The following DHRSX variants were observed in gnomAD, a reference collection of about 807,000 sequenced individuals.
The protein encoded by DHRSX is polyprenol dehydrogenase.
A neutral mutation model predicts 34.0 loss-of-function variants in DHRSX; 31 were observed. The ratio of observed to expected loss-of-function variants is 0.91; its 90% CI spans 0.69 to 1.23. DHRSX has a LOEUF of 1.23. Among genes scored for constraint, DHRSX ranks in the 50% most tolerant of loss-of-function variants. DHRSX has a pLI of 0.00. For missense variants in DHRSX, 414 were observed against 428.1 expected (o/e 0.97, Z 0.29); for synonymous variants, 201 against 183.8 (o/e 1.09, Z -0.76).
At chrX:2,268,078 AG>A (rs1365954171) in intron 4 of DHRSX, among the ~76,000 whole-genome samples, 8 of 152,136 alleles carry the variant, frequency 5.3e-5, no homozygotes, top group African/African-American at 1.9e-4. Flanking sequence ...CCTAGACCAC[AG>A]GGCAGCCCTG....
chrX:2,285,545 G>C (rs2041794309), intron 4 of DHRSX, among the ~76,000 whole-genome samples: 1 of 151,710 alleles, frequency 6.6e-6, no homozygotes, highest in Non-Finnish European at 1.5e-5. Context: ...TGTAAATACA[G>C]ATGAAGCTTT....
intron 3 of DHRSX, among the ~76,000 whole-genome samples, chrX:2,303,900 AATGG>A (rs1244047425): frequency 2.2e-3 from 131 of 60,844 alleles, no homozygotes; most frequent in African/African-American, 6.0e-3. Flanking sequence ...TGGATGGATA[AATGG>A]ATGGATGGAT....
intron 3 of DHRSX, among the ~76,000 whole-genome samples, chrX:2,347,068 G>C (rs1304553143): frequency 2.6e-5 from 4 of 152,044 alleles, no homozygotes; most frequent in Non-Finnish European, 4.4e-5. Context: ...ATTTGATATA[G>C]ATAAGGATGG....
chrX:2,419,614 T>G (rs1422440607), intron 2 of DHRSX, among the ~76,000 whole-genome samples: 1 of 151,940 alleles, frequency 6.6e-6, no homozygotes, highest in Non-Finnish European at 1.5e-5. Context: ...GTGGCACATA[T>G]ACACCACAGA....
chrX:2,313,583 G>A, intron 3 of DHRSX, among the ~76,000 whole-genome samples: 1 of 152,018 alleles, frequency 6.6e-6, no homozygotes, highest in East Asian at 1.9e-4. Flanking sequence ...TGGCCAGGAT[G>A]GTCTCGATCT....
chrX:2,387,917 A>AC (rs2043291207), intron 3 of DHRSX, among the ~76,000 whole-genome samples: 1 of 150,884 alleles, frequency 6.6e-6, no homozygotes, highest in African/African-American at 2.4e-5. Context: ...AAAAAAAAAA[A>AC]AAAAAAACGG....
chrX:2,455,556 A>G (rs2044283783), intron 1 of DHRSX, among the ~76,000 whole-genome samples: 1 of 152,022 alleles, frequency 6.6e-6, no homozygotes, highest in Non-Finnish European at 1.5e-5. Context: ...ACCCTGACCA[A>G]CATGATGAAA....
chrX:2,483,142 G>A (rs1421852638), intron 1 of DHRSX, among the ~76,000 whole-genome samples: 1 of 152,132 alleles, frequency 6.6e-6, no homozygotes, highest in Non-Finnish European at 1.5e-5. Flanking sequence ...CTGCACGACA[G>A]TGATGCAATC....
At position 2,500,897 on chromosome X, in the gene DHRSX, G is replaced by A; in HGVS notation, c.29C>T (p.Ala10Val). ...GGCGCCTACCGCGTAGACCCGCAGG[G>A]CCGCCCGCGCCGCAGACAATGGCGA... MSPLSAARA[A>V]LRVYAVGAAV... The change falls in exon 1 of 7, where the codon GCC becomes GTC. Residue 10 changes from alanine to valine, a missense_variant. Physicochemically the swap from Ala to Val is moderately conservative, Grantham distance 64. Transcript: ENST00000334651. The A allele has an allele frequency of 8.9e-7, 1 of 1,126,962 alleles. No individual in the cohort carries two copies. Among genetic ancestry groups the A allele is most frequent in the Non-Finnish European group, 1.1e-6 (1 of 917,898 alleles). 69.8% of individuals were successfully genotyped at this position (1,126,962 alleles called of 1,614,324 possible).
rs55923527 is a variant in DHRSX at position 2,429,451 on chromosome X, C to CT, written c.110-4148dup. Among the ~76,000 whole-genome samples the CT allele has an allele frequency of 1.1e-3, 157 of 145,734 alleles. 1 individual carries two copies. Among genetic ancestry groups the CT allele is most frequent in the Non-Finnish European group, 1.9e-3 (124 of 66,470 alleles). ...AGTATCCATCCTGTTCTCTGTGATG[C>CT]TTTTTTTTTTTTTTGAGCTGGGGTC... is the stretch of plus-strand genomic sequence containing the variant. On this transcript the variant is annotated intron_variant, in intron 1 of 6. Transcript: ENST00000334651.
chrX:2,482,489 T>TC, intron 1 of DHRSX, among the ~76,000 whole-genome samples: 3 of 152,166 alleles, frequency 2.0e-5, no homozygotes, highest in East Asian at 1.9e-4. Flanking sequence ...GATCTCAAAC[T>TC]CAGGCTCAAA....
chrX:2,396,375 CT>C (rs1204243041), intron 3 of DHRSX, among the ~76,000 whole-genome samples: 2,819 of 99,164 alleles, frequency 0.028, 55 homozygotes, highest in South Asian at 0.13. Flanking sequence ...CTTTCTTTTT[CT>C]TTTTTTTTTT....
chrX:2,465,809 C>CAAAAAAAAAAAAAA (rs375728172), intron 1 of DHRSX, among the ~76,000 whole-genome samples: 45 of 84,712 alleles, frequency 5.3e-4, no homozygotes, highest in Middle Eastern at 6.5e-3. Context: ...AACTCCATCG[C>CAAAAAAAAAAAAAA]AAAAAAAAAA....
chrX:2,418,990 T>C, intron 2 of DHRSX, among the ~76,000 whole-genome samples: 2 of 152,160 alleles, frequency 1.3e-5, no homozygotes, highest in South Asian at 4.1e-4. Flanking sequence ...ATCATGGAGG[T>C]GCTCAAGTTC....
intron 5 of DHRSX, among the ~76,000 whole-genome samples, chrX:2,246,748 G>GAAAGAAATAAAGAAAGAA (rs776138629): frequency 6.7e-5 from 7 of 103,778 alleles, no homozygotes; most frequent in African/African-American, 2.2e-4. Flanking sequence ...AAGAAAGAAA[G>GAAAGAAATAAAGAAAGAA]AAAAAGAAAG....
chrX:2,304,248 G>GATAA (rs2042070813), intron 3 of DHRSX, among the ~76,000 whole-genome samples: 1 of 136,912 alleles, frequency 7.3e-6, no homozygotes, highest in African/African-American at 2.7e-5. Flanking sequence ...TGGATAAATG[G>GATAA]ATGGATGGAT....
At chrX:2,298,601 TACACACACACACACAC>T (rs747078260) in intron 3 of DHRSX, among the ~76,000 whole-genome samples, 6 of 131,740 alleles carry the variant, frequency 4.6e-5, no homozygotes, top group Non-Finnish European at 8.9e-5. Context: ...GGCGCGTGTG[TACACACACACACACAC>T]ACACACACAC....
chrX:2,287,383 GAAT>G (rs1416097850), intron 4 of DHRSX, among the ~76,000 whole-genome samples: 1 of 150,880 alleles, frequency 6.6e-6, no homozygotes, highest in Non-Finnish European at 1.5e-5. Flanking sequence ...GTGGAAGACA[GAAT>G]AATGACCCAA....
chrX:2,447,382 C>T (rs1292114950), intron 1 of DHRSX, among the ~76,000 whole-genome samples: 5 of 152,086 alleles, frequency 3.3e-5, no homozygotes, highest in African/African-American at 4.8e-5. Flanking sequence ...AAGGGACCAA[C>T]GCCGTATACA....
Sources: gnomAD v4.1 joint callset for allele counts (sites outside exome capture counted in the v4.1 genomes callset) on GRCh38, gnomAD v4.1.1 for gene constraint, MANE v1.5 for transcripts, NCBI Gene and HGNC (gene_info 2026-07-23, HGNC 2026-07-21) for gene names.